CDKN2B-AS1: variants seen among roughly 807,000 people sequenced by gnomAD.
CDKN2B-AS1 encodes CDKN2B antisense RNA 1 (non-protein coding).
chr9:22,039,271 A>C lies in CDKN2B-AS1; in HGVS notation n.30-7480A>C, dbSNP rs973883381. 3.3e-5 allele frequency among the ~76,000 whole-genome samples: 5 copies of C among 151,956 alleles called. No homozygotes were observed. The highest frequency in any genetic ancestry group is 1.2e-4 in the African/African-American group (5 of 41,392). On this transcript the variant is annotated intron_variant and non_coding_transcript_variant, in intron 1 of 4. Transcript: ENST00000650946. This position sits in a 1 kb window ranked among gnomAD's most constrained non-coding sequence, Gnocchi z 4.4. ...GGAAGCCATGTCAACTTACTGGTTT[A>C]ATTTCCTGTGAGCTTCCCATGTTCT...
chr9:22,065,888 A>G (rs957219532), intron 4 of CDKN2B-AS1: 1 of 152,150 alleles, frequency 6.6e-6, no homozygotes, highest in Non-Finnish European at 1.5e-5. Flanking sequence ...TTTTCTATTC[A>G]GCATCTTTTT....
At chr9:22,085,720 CAAAA>C (rs5896963) in intron 4 of CDKN2B-AS1, among the ~76,000 whole-genome samples, 64,379 of 117,696 alleles carry the variant, frequency 0.55, 14,914 homozygotes, top group Middle Eastern at 0.67. Flanking sequence ...GACTCCGTCT[CAAAA>C]AAAAAAAAAA....
intron 4 of CDKN2B-AS1, among the ~76,000 whole-genome samples, chr9:22,111,096 C>T (rs1825793523): frequency 6.6e-6 from 1 of 151,990 alleles, no homozygotes; most frequent in Non-Finnish European, 1.5e-5. Flanking sequence ...GAGTTGTTCC[C>T]ATTTTATTTA....
At chr9:22,017,055 T>C (rs1821796270) in intron 1 of CDKN2B-AS1, among the ~76,000 whole-genome samples, 1 of 152,250 alleles carries the variant, frequency 6.6e-6, no homozygotes, top group Non-Finnish European at 1.5e-5. Flanking sequence ...TTATCTTATA[T>C]ACTTCCAGTC....
At chr9:22,026,477 C>G (rs1299488558) in intron 1 of CDKN2B-AS1, among the ~76,000 whole-genome samples, 4 of 152,310 alleles carry the variant, frequency 2.6e-5, no homozygotes, top group African/African-American at 9.6e-5. Context: ...GGCTAAGTTG[C>G]CCAAACAGCA....
chr9:22,096,495 C>G (rs1296435709), intron 4 of CDKN2B-AS1: 3 of 152,182 alleles, frequency 2.0e-5, no homozygotes, highest in Admixed American at 6.5e-5. Flanking sequence ...ACACAGTGCT[C>G]AAATCCATGA....
intron 1 of CDKN2B-AS1, among the ~76,000 whole-genome samples, chr9:21,998,035 GGA>G (rs1050885786): frequency 6.6e-6 from 1 of 152,130 alleles, no homozygotes; most frequent in Non-Finnish European, 1.5e-5. Context: ...CTGAATAAAA[GGA>G]TAATTATATA....
intron 4 of CDKN2B-AS1, among the ~76,000 whole-genome samples, chr9:22,076,951 C>T (rs968350300): frequency 6.6e-5 from 10 of 152,174 alleles, no homozygotes; most frequent in African/African-American, 2.2e-4. Flanking sequence ...TCCCAAAGTG[C>T]TGGGATTACA....
At position 21,999,446 on chromosome 9, in the gene CDKN2B-AS1, G is replaced by A. The variant is rs1820829852; in HGVS notation, n.29+4285G>A. On this transcript the variant is annotated intron_variant and non_coding_transcript_variant, in intron 1 of 4. Coordinates refer to ENST00000650946, the Ensembl canonical transcript of CDKN2B-AS1. This position sits in a 1 kb window ranked among gnomAD's most constrained non-coding sequence, Gnocchi z 4.7. ...AATACATATCTTTATATACACATAT[G>A]TACACACATATCTGTAAGTATGGGA... Among the ~76,000 whole-genome samples the A allele has an allele frequency of 6.6e-6, 1 of 151,452 alleles. No homozygotes were observed. The highest frequency in any genetic ancestry group is 1.5e-5 in the Non-Finnish European group (1 of 67,866).
chr9:21,996,299 A>G lies in CDKN2B-AS1; in HGVS notation n.29+1138A>G, dbSNP rs1820681393. The stretch of plus-strand genomic sequence containing the variant: ...CGATCACTCTTACGTAGCCACTCTA[A>G]ATATCTATCTAGATATTTACAAATG... On this transcript the variant is annotated intron_variant and non_coding_transcript_variant, in intron 1 of 4. Transcript: ENST00000650946. The surrounding 1 kb of genome is among the most constrained non-coding windows in gnomAD (Gnocchi z 5.4). Among the ~76,000 whole-genome samples, 1 of 152,098 alleles carries G rather than the reference A, an allele frequency of 6.6e-6. No individual in the cohort carries two copies. Among genetic ancestry groups the G allele is most frequent in the Non-Finnish European group, 1.5e-5 (1 of 68,022 alleles).
intron 1 of CDKN2B-AS1, among the ~76,000 whole-genome samples, chr9:22,007,075 T>C (rs1357381537): frequency 6.6e-6 from 1 of 152,212 alleles, no homozygotes; most frequent in East Asian, 1.9e-4. Context: ...TAAAAAGAGC[T>C]TGGGCCAGGC....
intron 1 of CDKN2B-AS1, chr9:22,004,386 CTT>C: frequency 4.3e-6 from 1 of 232,132 alleles, no homozygotes; most frequent in East Asian, 6.1e-5. Context: ...CATGTATACA[CTT>C]TGTGTTTAAT....
intron 4 of CDKN2B-AS1, among the ~76,000 whole-genome samples, chr9:22,075,556 C>T (rs1824462843): frequency 6.6e-6 from 1 of 152,222 alleles, no homozygotes; most frequent in African/African-American, 2.4e-5. Flanking sequence ...CTTAAAACCA[C>T]AACCCCCAAA....
At chr9:22,081,690 G>T (rs553065321) in intron 4 of CDKN2B-AS1, among the ~76,000 whole-genome samples, 8 of 152,328 alleles carry the variant, frequency 5.3e-5, no homozygotes, top group Admixed American at 4.6e-4. Context: ...AGCCTAGGAA[G>T]CTTGTCTATT....
At chr9:22,053,611 A>C (rs1823442303) in intron 3 of CDKN2B-AS1, among the ~76,000 whole-genome samples, 2 of 152,198 alleles carry the variant, frequency 1.3e-5, no homozygotes, top group African/African-American at 4.8e-5. Context: ...GCTACCTTCC[A>C]GATGACTTCT....
At chr9:22,061,927 T>C (rs550871281) in intron 4 of CDKN2B-AS1, 1 of 152,336 alleles carries the variant, frequency 6.6e-6, no homozygotes. Flanking sequence ...AAATACTAGC[T>C]ATTATTTTTA....
chr9:22,075,025 G>A (rs569537037), intron 4 of CDKN2B-AS1, among the ~76,000 whole-genome samples: 91 of 152,254 alleles, frequency 6.0e-4, no homozygotes, highest in Admixed American at 4.9e-3. Flanking sequence ...ATTCATATGA[G>A]AAAAATGTTT....
At chr9:22,118,185 C>A (rs1826003191) in intron 4 of CDKN2B-AS1, 1 of 152,204 alleles carries the variant, frequency 6.6e-6, no homozygotes, top group South Asian at 2.1e-4. Flanking sequence ...CTTTTAGTTG[C>A]ACCACATAGT....
At chr9:22,125,239 A>G (rs1413340330) in intron 4 of CDKN2B-AS1, among the ~76,000 whole-genome samples, 2 of 152,252 alleles carry the variant, frequency 1.3e-5, no homozygotes, top group Non-Finnish European at 2.9e-5. Flanking sequence ...TAAAAAAAGA[A>G]TGGGCTGCTG....
Sources: allele counts gnomAD v4.1 joint callset (sites outside exome capture counted in the v4.1 genomes callset), GRCh38; gene constraint gnomAD v4.1.1; non-coding constraint Gnocchi (gnomAD v3.1); transcripts MANE v1.5; gene names NCBI Gene and HGNC (gene_info 2026-07-23, HGNC 2026-07-21).